The following EPHA6 variants were observed in gnomAD, a reference collection of about 807,000 sequenced individuals.
The protein encoded by EPHA6 is ephrin type-A receptor 6.
A neutral mutation model predicts 112.0 loss-of-function variants in EPHA6; 50 were observed. The observed-to-expected ratio is 0.45, with a 90% CI of 0.36 to 0.56. The LOEUF (loss-of-function observed/expected upper bound fraction) is 0.56, where lower values mean the gene tolerates loss of function less well. Among genes scored for constraint, EPHA6 ranks in the 20% least tolerant of loss-of-function variants. EPHA6 has a pLI of 0.00. For synonymous variants in EPHA6, 529 were observed against 490.7 expected (o/e 1.08, Z -1.03); for missense variants, 1,280 against 1,417.4 (o/e 0.90, Z 1.56).
intron 5 of EPHA6, among the ~76,000 whole-genome samples, chr3:97,396,258 G>A (rs543473598): frequency 4.0e-5 from 6 of 149,458 alleles, no homozygotes; most frequent in South Asian, 2.1e-4. Flanking sequence ...ACATATGCAC[G>A]CATGCACACA....
chr3:96,852,854 T>C (rs1294742587), intron 1 of EPHA6, among the ~76,000 whole-genome samples: 1 of 152,150 alleles, frequency 6.6e-6, no homozygotes, highest in African/African-American at 2.4e-5. Context: ...AAGATATTCT[T>C]ATAGTTGCTT....
Position 97,422,232 on chromosome 3 carries a change from A to G in EPHA6, c.1731+16958A>G, listed in dbSNP as rs114165986. ...CTGGGAGAAGATATTTGCCATGCATACAATTAGTAAAGGAGTAGTATCCAA... is the reference window on the plus strand; with the variant it reads ...CTGGGAGAAGATATTTGCCATGCATGCAATTAGTAAAGGAGTAGTATCCAA... On this transcript the variant is annotated intron_variant, in intron 6 of 17. Coordinates refer to ENST00000389672, the MANE Select transcript of EPHA6 (RefSeq NM_001080448.3). 8.3e-3 allele frequency among the ~76,000 whole-genome samples: 1,262 copies of G among 152,100 alleles called. 14 individuals are homozygous for G. The highest frequency in any genetic ancestry group is 0.027 in the African/African-American group (1,123 of 41,544).
intron 11 of EPHA6, among the ~76,000 whole-genome samples, chr3:97,555,625 G>C (rs1009240396): frequency 1.9e-4 from 29 of 152,248 alleles, no homozygotes; most frequent in African/African-American, 6.0e-4. Context: ...CATTCTAACT[G>C]GTGTGAGATT....
At chr3:96,959,421 A>C (rs1357177538) in intron 2 of EPHA6, among the ~76,000 whole-genome samples, 3 of 152,112 alleles carry the variant, frequency 2.0e-5, no homozygotes, top group African/African-American at 7.2e-5. Context: ...TTTATCAAAT[A>C]TATGAATAAC....
At chr3:97,316,483 G>A (rs924775932) in intron 5 of EPHA6, among the ~76,000 whole-genome samples, 3 of 151,904 alleles carry the variant, frequency 2.0e-5, no homozygotes, top group East Asian at 1.9e-4. Flanking sequence ...GGATTGCTGC[G>A]TTTTCTGAAG....
At chr3:97,607,066 A>G (rs778195425) in intron 12 of EPHA6, among the ~76,000 whole-genome samples, 2 of 150,852 alleles carry the variant, frequency 1.3e-5, no homozygotes, top group Non-Finnish European at 3.0e-5. Context: ...CATTTTACTG[A>G]CTGCACATTA....
At chr3:96,873,065 C>T (rs2036727613) in intron 2 of EPHA6, among the ~76,000 whole-genome samples, 1 of 151,818 alleles carries the variant, frequency 6.6e-6, no homozygotes, top group Non-Finnish European at 1.5e-5. Context: ...GTCAGGAGTT[C>T]GAGACCAACC....
intron 3 of EPHA6, among the ~76,000 whole-genome samples, chr3:97,075,328 G>T (rs1035858528): frequency 6.6e-5 from 10 of 151,990 alleles, no homozygotes; most frequent in African/African-American, 2.4e-4. Context: ...ATAACTAGAT[G>T]TCGCATGTTC....
At position 97,747,522 on chromosome 3, in the gene EPHA6, C is replaced by T. The variant is rs200889968; in HGVS notation, c.3228C>T (p.Phe1076=). Residue 1076 remains phenylalanine, a synonymous_variant, in exon 17 of 18, where the codon TTC becomes TTT. Coordinates refer to ENST00000389672, the MANE Select transcript of EPHA6 (RefSeq NM_001080448.3). ...AGATGGGGCAATACAAGAATAACTT[C>T]GTGGCAGCAGGGTTTACAACATTTG... ...SIKMGQYKNN[F]VAAGFTTFDL... The T allele has an allele frequency of 4.1e-5, 66 of 1,610,496 alleles. No homozygotes were observed. The highest frequency in any genetic ancestry group is 5.1e-5 in the Non-Finnish European group (60 of 1,178,110).
chr3:97,320,495 T>C (rs2082057464), intron 5 of EPHA6, among the ~76,000 whole-genome samples: 1 of 151,928 alleles, frequency 6.6e-6, no homozygotes, highest in Non-Finnish European at 1.5e-5. Context: ...ACTTTTTTCT[T>C]GAGAGAGGGA....
Position 97,027,587 on chromosome 3 carries a change from T to G in EPHA6, c.1114+39594T>G, listed in dbSNP as rs538366047. ...ACTAGTGTCAGTAGGATTTTAGCTA[T>G]TTTTAGTCTGCTAAGAATTGGCATG... On this transcript the variant is annotated intron_variant, in intron 3 of 17. Coordinates refer to ENST00000389672, the MANE Select transcript of EPHA6 (RefSeq NM_001080448.3). 2.5e-4 allele frequency among the ~76,000 whole-genome samples: 38 copies of G among 152,306 alleles called. No homozygotes were observed. In the South Asian group the frequency reaches 4.1e-3, roughly 17 times the overall value.
At chr3:97,662,847 C>T (rs1009516244) in intron 14 of EPHA6, among the ~76,000 whole-genome samples, 1 of 152,160 alleles carries the variant, frequency 6.6e-6, no homozygotes, top group Non-Finnish European at 1.5e-5. Flanking sequence ...TTTCATATCT[C>T]TTTACCATTT....
intron 14 of EPHA6, chr3:97,646,224 G>C (rs1304410462): frequency 6.5e-7 from 1 of 1,535,772 alleles, no homozygotes; most frequent in East Asian, 2.4e-5. Context: ...TACTGGACTG[G>C]TCCTCATGTG....
At position 97,743,425 on chromosome 3, in the gene EPHA6, A is replaced by T. The variant is rs551157569; in HGVS notation, c.3129-3998A>T. 2.0e-5 allele frequency among the ~76,000 whole-genome samples: 3 copies of T among 152,260 alleles called. No individual in the cohort carries two copies. In the South Asian group the frequency reaches 6.2e-4, roughly 32 times the overall value. ...CTGTCTTATGAATTTTTCCCAAAGAAGTTATTCAATTGAAACAAAAAGAAA... is the reference window on the plus strand; with the variant it reads ...CTGTCTTATGAATTTTTCCCAAAGATGTTATTCAATTGAAACAAAAAGAAA... On this transcript the variant is annotated intron_variant, in intron 16 of 17. Transcript: ENST00000389672.
intron 3 of EPHA6, among the ~76,000 whole-genome samples, chr3:97,199,336 T>C (rs968548690): frequency 1.3e-5 from 2 of 152,128 alleles, no homozygotes; most frequent in African/African-American, 4.8e-5. Context: ...AATGCACTTA[T>C]AGGACACATG....
At chr3:97,546,797 C>A (rs1336485278) in intron 11 of EPHA6, among the ~76,000 whole-genome samples, 5 of 152,138 alleles carry the variant, frequency 3.3e-5, no homozygotes, top group African/African-American at 1.2e-4. Flanking sequence ...CTTCTCTTCT[C>A]ACTTTATTTT....
At position 97,661,642 on chromosome 3, in the gene EPHA6, T is replaced by A. The variant is rs142883695; in HGVS notation, c.2784+23560T>A. Among the ~76,000 whole-genome samples the A allele has an allele frequency of 3.5e-3, 537 of 152,266 alleles. 4 individuals are homozygous for A. The highest frequency in any genetic ancestry group is 0.012 in the African/African-American group (482 of 41,550). On this transcript the variant is annotated intron_variant, in intron 14 of 17. Transcript: ENST00000389672. ...TCTACTTTCAATGGTAATTATTGAA[T>A]CTTAGCTGGTTATTCTTAAACCAGA...
chr3:96,890,680 C>CAA (rs2037902109), intron 2 of EPHA6, among the ~76,000 whole-genome samples: 1 of 152,126 alleles, frequency 6.6e-6, no homozygotes, highest in Non-Finnish European at 1.5e-5. Context: ...AATAAAATGT[C>CAA]AATTTTCGAA....
At chr3:97,483,294 A>C (rs2091608864) in intron 9 of EPHA6, among the ~76,000 whole-genome samples, 1 of 152,120 alleles carries the variant, frequency 6.6e-6, no homozygotes, top group Non-Finnish European at 1.5e-5. Flanking sequence ...ACAACCAATG[A>C]CCAGATTTTG....
Sources: allele counts gnomAD v4.1 joint callset (sites outside exome capture counted in the v4.1 genomes callset), GRCh38; gene constraint gnomAD v4.1.1; transcripts MANE v1.5; gene names NCBI Gene and HGNC (gene_info 2026-07-23, HGNC 2026-07-21).